Variants in SAMHD1 observed in about 807,000 individuals in gnomAD.
The protein encoded by SAMHD1 is deoxynucleoside triphosphate triphosphohydrolase SAMHD1.
In SAMHD1, 54 loss-of-function variants were observed where a neutral mutation model predicts 79.6. The ratio of observed to expected loss-of-function variants is 0.68; its 90% CI spans 0.55 to 0.85. The LOEUF is 0.85. Ranked by LOEUF, SAMHD1 falls within the 40% of genes least tolerant of loss-of-function variation. SAMHD1 has a pLI of 0.00. For missense variants in SAMHD1, 663 were observed against 782.7 expected (o/e 0.85, Z 1.82); for synonymous variants, 260 against 264.1 (o/e 0.98, Z 0.15).
intron 9 of SAMHD1, among the ~76,000 whole-genome samples, 199 bp from the exon 10 acceptor site, chr20:36,912,751 A>ATTTTTTT (rs66970329): frequency 1.9e-5 from 2 of 107,058 alleles, no homozygotes; most frequent in African/African-American, 6.9e-5. Context: ...TGCAACTTTC[A>ATTTTTTT]TTTTTTTTTT....
rs71186090 is a variant in SAMHD1 at position 36,921,703 on chromosome 20, G to GT, written c.697-2185dup. Among the ~76,000 whole-genome samples, 1,128 of 139,008 alleles carry GT rather than the reference G, an allele frequency of 8.1e-3. 7 individuals are homozygous for GT. Among genetic ancestry groups the GT allele is most frequent in the African/African-American group, 0.011 (423 of 38,040 alleles). The allele number at this position is 139,008 out of a possible 152,430, so 91.2% of individuals were successfully genotyped here. ...CACACCCAGCTAATTTTTTGTGGTT[G>GT]TTTTTTTTTTTTTTCCCTCTTGTTG... On this transcript the variant is annotated intron_variant, in intron 6 of 15. Transcript: ENST00000646673.
chr20:36,893,294 G>A (rs757336986), intron 15 of SAMHD1: 95 of 586,420 alleles, frequency 1.6e-4, no homozygotes, highest in Non-Finnish European at 2.5e-4. Context: ...ACTGGCCTCT[G>A]CAGAGATGAC....
At chr20:36,896,432 T>C (rs1990199317) in intron 15 of SAMHD1, among the ~76,000 whole-genome samples, 1 of 152,182 alleles carries the variant, frequency 6.6e-6, no homozygotes, top group Non-Finnish European at 1.5e-5. Context: ...TTCTTGAATA[T>C]GCTCAATGAT....
chr20:36,895,772 G>A (rs1568758180), intron 15 of SAMHD1, among the ~76,000 whole-genome samples: 1 of 152,030 alleles, frequency 6.6e-6, no homozygotes, highest in Non-Finnish European at 1.5e-5. Flanking sequence ...TAGTTTCACA[G>A]TACCTAGGAC....
At chr20:36,928,145 G>A (rs562143576) in intron 5 of SAMHD1, among the ~76,000 whole-genome samples, 1 of 152,160 alleles carries the variant, frequency 6.6e-6, no homozygotes, top group Non-Finnish European at 1.5e-5. Context: ...CCAGCACTTT[G>A]GGAGGCTGAG....
chr20:36,940,758 A>C, intron 3 of SAMHD1: 1 of 481,244 alleles, frequency 2.1e-6, no homozygotes. Flanking sequence ...TTTGCTCTAA[A>C]AATAACAGAC....
intron 13 of SAMHD1, 120 bp from the exon 14 acceptor site, chr20:36,898,664 A>G: frequency 1.3e-6 from 1 of 783,770 alleles, no homozygotes. Context: ...CTATAATCCC[A>G]GCACTTTGGG....
chr20:36,892,387 T>TAAA lies in SAMHD1; in HGVS notation c.*544_*545insTTT. 5.2e-6 allele frequency: 1 copy of TAAA among 192,200 alleles called. No homozygotes were observed. The highest frequency in any genetic ancestry group is 1.4e-4 in the East Asian group (1 of 7,030). 11.9% of individuals were successfully genotyped at this position (192,200 alleles called of 1,614,324 possible). A position where few individuals can be genotyped will look rare whatever the true frequency, so the allele number is the denominator to read the frequency against. ...GGGAACTCTTCACGGGGGCAGGATT[T>TAAA]GATGTTTTGTTTTTAGCCATGTTTG... On this transcript the variant is annotated 3_prime_UTR_variant, in exon 16 of 16. Transcript: ENST00000646673.
At chr20:36,919,269 C>A (rs2040644972) in intron 7 of SAMHD1, 95 bp downstream of exon 7, 1 of 1,144,560 alleles carries the variant, frequency 8.7e-7, no homozygotes, top group Non-Finnish European at 1.3e-6. Context: ...TATCATTTAG[C>A]CTCTAAAATA....
chr20:36,892,264 A>G lies in SAMHD1; in HGVS notation c.*668T>C, dbSNP rs946774448. 11 of 154,834 alleles carry G rather than the reference A, an allele frequency of 7.1e-5. No individual in the cohort carries two copies. Among genetic ancestry groups the G allele is most frequent in the African/African-American group, 2.4e-4 (10 of 41,568 alleles). 9.6% of individuals were successfully genotyped at this position (154,834 alleles called of 1,614,324 possible). ...GCCATCATCTCCAACTCTTTACCCC[A>G]ACCTGGCACCTTGTAGGGGGCTAGA... is the stretch of plus-strand genomic sequence containing the variant. On this transcript the variant is annotated 3_prime_UTR_variant, in exon 16 of 16. Coordinates refer to ENST00000646673, the MANE Select transcript of SAMHD1 (RefSeq NM_015474.4).
At chr20:36,896,296 G>T (rs1308896043) in intron 15 of SAMHD1, among the ~76,000 whole-genome samples, 1 of 151,752 alleles carries the variant, frequency 6.6e-6, no homozygotes, top group Non-Finnish European at 1.5e-5. Flanking sequence ...TTCTATCTGT[G>T]GGGTCTGTGG....
intron 1 of SAMHD1, among the ~76,000 whole-genome samples, chr20:36,947,488 TGTGA>T (rs1157217870): frequency 9.8e-5 from 13 of 132,636 alleles, no homozygotes; most frequent in African/African-American, 2.8e-4. Flanking sequence ...TGTGTGTGTG[TGTGA>T]GTGTGTGTGT....
chr20:36,942,675 C>G (rs946688945), intron 2 of SAMHD1, among the ~76,000 whole-genome samples: 1 of 150,480 alleles, frequency 6.6e-6, no homozygotes, highest in African/African-American at 2.4e-5. Context: ...GAAATGGAGT[C>G]TTACTCTGTT....
rs2063478976 is a variant in SAMHD1, at chr20:36,916,773, A to G, written c.1011T>C (p.Phe337=). The change falls in exon 9 of 16, where the codon TTT becomes TTC. Residue 337 remains phenylalanine (F), a synonymous_variant. Coordinates refer to ENST00000646673, the MANE Select transcript of SAMHD1 (RefSeq NM_015474.4). ...NNFDYKRFIK[F]ARVCEVDNEL... ...CATTGTCTACTTCACAGACACGGGC[A>G]AACTTAATAAAGCGCTTGTAATCAA... The G allele has an allele frequency of 1.2e-6, 2 of 1,614,158 alleles. No homozygotes were observed. The highest frequency in any genetic ancestry group is 1.7e-6 in the Non-Finnish European group (2 of 1,180,018).
intron 1 of SAMHD1, among the ~76,000 whole-genome samples, chr20:36,949,838 G>C (rs2063721649): frequency 1.3e-5 from 2 of 150,342 alleles, no homozygotes; most frequent in Admixed American, 6.7e-5. Context: ...GCAGAAATAA[G>C]CAGAATCTTT....
intron 2 of SAMHD1, among the ~76,000 whole-genome samples, chr20:36,941,692 G>C (rs1307754595): frequency 6.6e-6 from 1 of 151,956 alleles, no homozygotes; most frequent in Non-Finnish European, 1.5e-5. Flanking sequence ...TCCTGGCTGG[G>C]TGTCAACAGA....
chr20:36,946,667 T>A, intron 2 of SAMHD1, 71 bp downstream of exon 2: 4 of 1,150,228 alleles, frequency 3.5e-6, no homozygotes, highest in Non-Finnish European at 3.9e-6. Flanking sequence ...TATCAGAGAT[T>A]TTGGGCTTTG....
At position 36,892,936 on chromosome 20, in the gene SAMHD1, A is replaced by G; in HGVS notation, c.1877T>C (p.Met626Thr). Reference protein sequence around the residue: ...SRVQLFKDDPM With the variant: ...SRVQLFKDDPT The stretch of plus-strand genomic sequence containing the variant: ...TAAACAACTGACTACAGACATTCAC[A>G]TTGGGTCATCTTTAAAAAGCTGGAC... The change falls in exon 16 of 16, where the codon ATG becomes ACG. Residue 626 changes from methionine (M) to threonine (T), a missense_variant. By Grantham distance (81) the Met-to-Thr change is moderately conservative (BLOSUM62 -1). Coordinates refer to ENST00000646673, the MANE Select transcript of SAMHD1 (RefSeq NM_015474.4). The G allele has an allele frequency of 1.2e-6, 2 of 1,613,948 alleles. No homozygotes were observed. Among genetic ancestry groups the G allele is most frequent in the Non-Finnish European group, 1.7e-6 (2 of 1,180,000 alleles).
intron 15 of SAMHD1, among the ~76,000 whole-genome samples, chr20:36,896,957 C>T (rs1990210325): frequency 6.6e-6 from 1 of 152,200 alleles, no homozygotes; most frequent in African/African-American, 2.4e-5. Flanking sequence ...CCTCCCACTG[C>T]CAAATATACC....
Sources: allele counts gnomAD v4.1 joint callset (sites outside exome capture counted in the v4.1 genomes callset), GRCh38; gene constraint gnomAD v4.1.1; transcripts MANE v1.5; gene names NCBI Gene and HGNC (gene_info 2026-07-23, HGNC 2026-07-21).